The following VPS53 variants were observed in gnomAD, a reference collection of about 807,000 sequenced individuals.
The protein encoded by VPS53 is VPS53 subunit of GARP complex.
In VPS53, 70 loss-of-function variants were observed where a neutral mutation model predicts 107.0. The ratio of observed to expected loss-of-function variants is 0.65; its 90% CI spans 0.54 to 0.80. VPS53 has a LOEUF of 0.80. Among genes scored for constraint, VPS53 ranks in the 30% least tolerant of loss-of-function variants. The pLI is 0.00. For synonymous variants in VPS53, 409 were observed against 393.3 expected (o/e 1.04, Z -0.47); for missense variants, 917 against 1,049.4 (o/e 0.87, Z 1.74).
intron 2 of VPS53, among the ~76,000 whole-genome samples, chr17:705,287 G>C (rs1973358685): frequency 6.6e-6 from 1 of 151,996 alleles, no homozygotes; most frequent in Non-Finnish European, 1.5e-5. Flanking sequence ...CTAGAAACCA[G>C]TTCAAAATTC....
chr17:687,281 A>G (rs1021397034), intron 4 of VPS53, among the ~76,000 whole-genome samples: 1 of 106,660 alleles, frequency 9.4e-6, no homozygotes. Context: ...GCAAGACTCC[A>G]GCTCAAAAAA....
intron 19 of VPS53, among the ~76,000 whole-genome samples, chr17:523,802 G>T (rs1908923237): frequency 6.6e-6 from 1 of 152,136 alleles, no homozygotes; most frequent in South Asian, 2.1e-4. Flanking sequence ...TGTTGAAAAG[G>T]CCAAGGGCTC....
chr17:689,620 C>T (rs1425332447), intron 4 of VPS53, among the ~76,000 whole-genome samples: 2 of 151,874 alleles, frequency 1.3e-5, no homozygotes, highest in African/African-American at 2.4e-5. Flanking sequence ...ACTACAGGCA[C>T]GCACCACTGC....
intron 9 of VPS53, among the ~76,000 whole-genome samples, chr17:627,572 C>T (rs1020061380): frequency 2.6e-5 from 4 of 152,048 alleles, no homozygotes; most frequent in Non-Finnish European, 5.9e-5. Context: ...GAGGTCAGTT[C>T]GAGACCAGCC....
rs554953492 is a variant in VPS53 at position 554,332 on chromosome 17, T to C, written c.1705-870A>G. On this transcript the variant is annotated intron_variant, in intron 15 of 21. Coordinates refer to ENST00000437048, the MANE Select transcript of VPS53 (RefSeq NM_001128159.3). ...TAACGGGACCAAGACTTGTAAATAC[T>C]TGGAGATATCCCTGGGAGTTGATTA... is the stretch of plus-strand genomic sequence containing the variant. 2.6e-5 allele frequency among the ~76,000 whole-genome samples: 4 copies of C among 152,338 alleles called. No homozygotes were observed. The South Asian group carries it at 6.2e-4, about 24-fold the overall frequency.
chr17:608,921 A>ATT (rs531388006), intron 11 of VPS53, among the ~76,000 whole-genome samples: 2 of 147,256 alleles, frequency 1.4e-5, no homozygotes, highest in Non-Finnish European at 3.0e-5. Flanking sequence ...CCCACTGCTC[A>ATT]TTTTTTTTTT....
At chr17:615,724 A>G (rs1051075568) in intron 11 of VPS53, among the ~76,000 whole-genome samples, 1 of 152,356 alleles carries the variant, frequency 6.6e-6, no homozygotes, top group Admixed American at 6.5e-5. Flanking sequence ...GGTAGCCAAA[A>G]AGGAGTTTCC....
chr17:576,436 C>T (rs1203166513), intron 13 of VPS53, among the ~76,000 whole-genome samples: 3 of 151,576 alleles, frequency 2.0e-5, no homozygotes, highest in Non-Finnish European at 2.9e-5. Context: ...CAATGCATTC[C>T]CAGAAAACAT....
At chr17:573,440 G>C (rs571940344) in intron 13 of VPS53, among the ~76,000 whole-genome samples, 1 of 152,276 alleles carries the variant, frequency 6.6e-6, no homozygotes. Flanking sequence ...TTTTGGCTGG[G>C]GCAGATGCTG....
chr17:671,831 G>A (rs1466013909), intron 4 of VPS53, among the ~76,000 whole-genome samples: 1 of 151,660 alleles, frequency 6.6e-6, no homozygotes, highest in Middle Eastern at 3.2e-3. Context: ...TGGGATTACA[G>A]GCACCCGCCA....
chr17:713,139 C>T (rs1444152719), intron 1 of VPS53, among the ~76,000 whole-genome samples: 6 of 151,250 alleles, frequency 4.0e-5, no homozygotes, highest in African/African-American at 1.5e-4. Context: ...GAGTTCGAGG[C>T]TGCAGTGAGC....
chr17:560,514 G>C lies in VPS53; in HGVS notation c.1616C>G (p.Ser539Ter), dbSNP rs1177981607. The part of the protein sequence containing the change: ...ISSLLKEKEG[S>*]EVAKFTLEEL... ...CTCCAGAGTGAACTTGGCTACTTCT[G>C]AGCCCTCCTTTTCCTTGAGGAGGCT... is the stretch of plus-strand genomic sequence containing the variant. Residue 539 changes from serine to a stop codon, truncating the protein, a stop_gained, in exon 15 of 22, where the codon TCA becomes TGA. Transcript: ENST00000437048. LOFTEE classifies it high-confidence loss of function. 1 of 1,613,830 alleles carries C rather than the reference G, an allele frequency of 6.2e-7. No individual in the cohort carries two copies. The highest frequency in any genetic ancestry group is 8.5e-7 in the Non-Finnish European group (1 of 1,180,034).
At chr17:567,903 G>A (rs1913684270) in intron 13 of VPS53, among the ~76,000 whole-genome samples, 6 of 151,040 alleles carry the variant, frequency 4.0e-5, no homozygotes, top group Admixed American at 4.0e-4. Flanking sequence ...GAGGGGAGGG[G>A]AGGGGAGGGG....
chr17:521,805 G>A (rs1442740483), intron 19 of VPS53, 67 bp from the exon 20 acceptor site: 8 of 1,370,550 alleles, frequency 5.8e-6, no homozygotes, highest in African/African-American at 2.9e-5. Flanking sequence ...GACTCATGCC[G>A]ATGAGTCATG....
Position 689,000 on chromosome 17 carries a change from G to A in VPS53, c.285+8418C>T, listed in dbSNP as rs549665803. Among the ~76,000 whole-genome samples the A allele has an allele frequency of 3.3e-5, 5 of 152,348 alleles. No individual in the cohort carries two copies. In the South Asian group the frequency reaches 1.0e-3, roughly 32 times the overall value. On this transcript the variant is annotated intron_variant, in intron 4 of 21. Coordinates refer to ENST00000437048, the MANE Select transcript of VPS53 (RefSeq NM_001128159.3). ...ATCTTGGCCACTAATGGGAAACTTCGAGGCCATACTCTAAAAGCTCAGTCG... is the reference window on the plus strand; with the variant it reads ...ATCTTGGCCACTAATGGGAAACTTCAAGGCCATACTCTAAAAGCTCAGTCG...
intron 16 of VPS53, chr17:552,962 AGT>A (rs2151839477): frequency 7.9e-5 from 18 of 228,642 alleles, no homozygotes; most frequent in Middle Eastern, 1.4e-3. Context: ...AAGGGCAGGC[AGT>A]GAGCAAGCGT....
At chr17:665,836 T>A (rs546050469) in intron 4 of VPS53, among the ~76,000 whole-genome samples, 16 of 152,184 alleles carry the variant, frequency 1.1e-4, no homozygotes, top group African/African-American at 3.6e-4. Context: ...AAACCCCGTC[T>A]CTACTAAAAA....
Position 588,780 on chromosome 17 carries a change from G to A in VPS53, c.1219-2416C>T, listed in dbSNP as rs1378104002. On this transcript the variant is annotated intron_variant, in intron 12 of 21. Transcript: ENST00000437048. ...ATTGAGCTTGAATCTGCCGGATCTA[G>A]AATTCCACTTGAGTGCACAGATGTC... is the stretch of plus-strand genomic sequence containing the variant. Among the ~76,000 whole-genome samples the A allele has an allele frequency of 2.6e-5, 4 of 152,176 alleles. No individual in the cohort carries two copies. The East Asian group carries it at 7.7e-4, about 29-fold the overall frequency.
At chr17:624,665 G>C (rs78320198) in intron 10 of VPS53, among the ~76,000 whole-genome samples, 1 of 152,152 alleles carries the variant, frequency 6.6e-6, no homozygotes, top group Non-Finnish European at 1.5e-5. Context: ...AGGTACTGGC[G>C]CTCACAAGAA....
Sources: gnomAD v4.1 joint callset for allele counts (sites outside exome capture counted in the v4.1 genomes callset) on GRCh38, gnomAD v4.1.1 for gene constraint, MANE v1.5 for transcripts, NCBI Gene and HGNC (gene_info 2026-07-23, HGNC 2026-07-21) for gene names.